Variants in MLIP observed in about 807,000 individuals in gnomAD.
MLIP encodes muscular LMNA interacting protein.
A neutral mutation model predicts 84.8 loss-of-function variants in MLIP; 79 were observed. The observed-to-expected ratio is 0.93, with a 90% CI of 0.78 to 1.12. MLIP has a LOEUF of 1.12. Ranked by LOEUF, MLIP falls within the 50% of genes most tolerant of loss-of-function variation. MLIP has a pLI of 0.00. For missense variants in MLIP, 1,257 were observed against 1,160.6 expected, an observed-to-expected ratio of 1.08 and a Z score of -1.21; for synonymous variants, 504 against 463.0, an observed-to-expected ratio of 1.09 and a Z score of -1.14.
intron 13 of MLIP, chr6:54,261,685 C>T (rs2150906189): frequency 1.0e-6 from 1 of 985,096 alleles, no homozygotes; most frequent in Non-Finnish European, 1.2e-6. Context: ...CCATCCCATT[C>T]CTCTGACTTT....
At chr6:54,185,172 A>G (rs1049991333) in intron 9 of MLIP, among the ~76,000 whole-genome samples, 2 of 152,210 alleles carry the variant, frequency 1.3e-5, no homozygotes, top group Non-Finnish European at 2.9e-5. Flanking sequence ...ATTAACCTGT[A>G]TTAGACATGC....
intron 1 of MLIP, among the ~76,000 whole-genome samples, chr6:54,023,892 A>T (rs1368080470): frequency 6.6e-6 from 1 of 152,168 alleles, no homozygotes; most frequent in Non-Finnish European, 1.5e-5. Flanking sequence ...TTTTAAATAC[A>T]GCAAAAGAGA....
At chr6:54,209,284 G>T (rs1400806394) in intron 11 of MLIP, among the ~76,000 whole-genome samples, 2 of 151,990 alleles carry the variant, frequency 1.3e-5, no homozygotes, top group Non-Finnish European at 2.9e-5. Flanking sequence ...AATTTAGGCA[G>T]GAAAAACAAT....
intron 1 of MLIP, among the ~76,000 whole-genome samples, chr6:54,118,796 T>A (rs1561946874): frequency 2.0e-5 from 3 of 151,904 alleles, no homozygotes; most frequent in African/African-American, 4.8e-5. Flanking sequence ...CAAAAAATAT[T>A]AAAAAAACCT....
At chr6:54,145,792 CA>C (rs1193149419) in intron 4 of MLIP, among the ~76,000 whole-genome samples, 9 of 143,092 alleles carry the variant, frequency 6.3e-5, no homozygotes, top group African/African-American at 2.5e-4. Flanking sequence ...CCCCCTCCCC[CA>C]CAAAAAAAAA....
chr6:54,251,083 C>A (rs577919081), intron 12 of MLIP, among the ~76,000 whole-genome samples: 7 of 151,938 alleles, frequency 4.6e-5, no homozygotes, highest in Non-Finnish European at 8.8e-5. Flanking sequence ...ACTTAATAAT[C>A]AAATATGTGG....
Position 54,097,468 on chromosome 6 carries a change from A to G in MLIP, c.64-23979A>G, listed in dbSNP as rs370070435. ...TATCCCTTCGACTAGGCAACAACAT[A>G]CACAGCTTAAAATTATTGTTATTTT... On this transcript the variant is annotated intron_variant, in intron 1 of 12. Coordinates refer to the MLIP transcript ENST00000274897. Among the ~76,000 whole-genome samples, 49 of 152,330 alleles carry G rather than the reference A, an allele frequency of 3.2e-4. 2 individuals carry two copies. In the South Asian group the frequency reaches 1.0e-2, roughly 31 times the overall value.
At chr6:54,219,348 T>C (rs1780068364) in intron 11 of MLIP, among the ~76,000 whole-genome samples, 1 of 118,290 alleles carries the variant, frequency 8.5e-6, no homozygotes, top group South Asian at 2.9e-4. Flanking sequence ...ATTTTTTTTC[T>C]TTTTTTTTTT....
At chr6:54,143,215 TG>T (rs1473857990) in intron 4 of MLIP, among the ~76,000 whole-genome samples, 1 of 139,758 alleles carries the variant, frequency 7.2e-6, no homozygotes. Context: ...TGGGGGGATT[TG>T]CTTTTTTTTT....
intron 9 of MLIP, among the ~76,000 whole-genome samples, chr6:54,176,347 G>A (rs1030795693): frequency 2.0e-5 from 3 of 151,520 alleles, no homozygotes; most frequent in Non-Finnish European, 4.4e-5. Context: ...ATAAAATTCA[G>A]CAGTGAAGCC....
chr6:54,083,719 T>C (rs1473843012), intron 1 of MLIP: 2 of 1,325,104 alleles, frequency 1.5e-6, no homozygotes, highest in Non-Finnish European at 2.1e-6. Flanking sequence ...TCTTATTTCG[T>C]ATTGCAGTAG....
intron 1 of MLIP, among the ~76,000 whole-genome samples, chr6:54,077,057 T>C (rs980809773): frequency 4.6e-5 from 7 of 152,178 alleles, no homozygotes; most frequent in Non-Finnish European, 8.8e-5. Context: ...CTCAGCTTCA[T>C]CAAATTTACT....
chr6:54,091,144 C>T (rs1767844615), intron 1 of MLIP, among the ~76,000 whole-genome samples: 1 of 151,972 alleles, frequency 6.6e-6, no homozygotes, highest in African/African-American at 2.4e-5. Flanking sequence ...GCCAAAGGTA[C>T]CCTGGGGGGA....
intron 1 of MLIP, among the ~76,000 whole-genome samples, chr6:54,078,156 A>G (rs1766917334): frequency 6.6e-6 from 1 of 152,226 alleles, no homozygotes; most frequent in Admixed American, 6.5e-5. Context: ...GATTAGGTTA[A>G]CAGTGTTTGA....
chr6:54,100,908 T>C (rs1054194458), intron 1 of MLIP, among the ~76,000 whole-genome samples: 1 of 152,052 alleles, frequency 6.6e-6, no homozygotes. Flanking sequence ...AATTACTGAG[T>C]GTCAAATAAT....
At chr6:54,061,303 TCAGCAGTAGACAAAA>T (rs1462477716) in intron 1 of MLIP, among the ~76,000 whole-genome samples, 17 of 152,230 alleles carry the variant, frequency 1.1e-4, no homozygotes, top group African/African-American at 3.9e-4. Flanking sequence ...GAGGACCAGA[TCAGCAGTAGACAAAA>T]CTGTATCAAG....
intron 1 of MLIP, among the ~76,000 whole-genome samples, chr6:54,031,132 T>C (rs1367443592): frequency 6.6e-6 from 1 of 152,160 alleles, no homozygotes; most frequent in Non-Finnish European, 1.5e-5. Flanking sequence ...CCCTAGAATC[T>C]TAACAACCCA....
chr6:54,037,869 G>C (rs1764531817), intron 1 of MLIP, among the ~76,000 whole-genome samples: 1 of 151,804 alleles, frequency 6.6e-6, no homozygotes, highest in Non-Finnish European at 1.5e-5. Flanking sequence ...GGTTGTCTTT[G>C]GCAATTTCTC....
intron 1 of MLIP, among the ~76,000 whole-genome samples, chr6:54,041,404 G>C (rs1165070313): frequency 6.6e-6 from 1 of 152,050 alleles, no homozygotes; most frequent in Non-Finnish European, 1.5e-5. Context: ...TATAGATTTT[G>C]TGTGAACATA....
Sources: allele counts gnomAD v4.1 joint callset (sites outside exome capture counted in the v4.1 genomes callset), GRCh38; gene constraint gnomAD v4.1.1; transcripts MANE v1.5; gene names NCBI Gene and HGNC (gene_info 2026-07-23, HGNC 2026-07-21).